The following P3H2 variants were observed in gnomAD, a reference collection of about 807,000 sequenced individuals.
P3H2 encodes prolyl 3-hydroxylase 2, also known as leprecan-like 1.
In P3H2, 80 loss-of-function variants were observed where a neutral mutation model predicts 87.0. The ratio of observed to expected loss-of-function variants is 0.92; its 90% CI spans 0.77 to 1.11. The LOEUF (loss-of-function observed/expected upper bound fraction) is 1.11. Ranked by LOEUF, P3H2 falls within the 50% of genes least tolerant of loss-of-function variation. The probability of loss-of-function intolerance (pLI) is 0.00; values close to 1 mark genes in which losing one functional copy is unlikely to be tolerated. For missense variants in P3H2, 1,001 were observed against 923.9 expected (o/e 1.08, Z -1.08); for synonymous variants, 367 against 359.3 (o/e 1.02, Z -0.24).
intron 1 of P3H2, among the ~76,000 whole-genome samples, chr3:190,022,936 C>T (rs1396802082): frequency 3.3e-5 from 5 of 152,130 alleles, no homozygotes; most frequent in Non-Finnish European, 7.4e-5. Flanking sequence ...ACGCCATTCT[C>T]CTGCTTCAGC....
intron 1 of P3H2, among the ~76,000 whole-genome samples, chr3:190,039,796 G>T (rs1725551869): frequency 6.6e-6 from 1 of 152,192 alleles, no homozygotes; most frequent in South Asian, 2.1e-4. Flanking sequence ...TGATCATGAG[G>T]TCAGTAAGGG....
At chr3:190,027,980 A>G (rs1725135682) in intron 1 of P3H2, among the ~76,000 whole-genome samples, 1 of 151,820 alleles carries the variant, frequency 6.6e-6, no homozygotes, top group Non-Finnish European at 1.5e-5. Context: ...AAAAAAAAAA[A>G]ATAAAGAACC....
intron 1 of P3H2, among the ~76,000 whole-genome samples, chr3:190,035,834 G>C (rs1725402066): frequency 6.6e-6 from 1 of 152,156 alleles, no homozygotes; most frequent in Non-Finnish European, 1.5e-5. Context: ...TGTCTTATTA[G>C]AGTTTTTCCT....
Position 190,007,965 on chromosome 3 carries a change from C to CACACACATATATATATATATATATAT in P3H2, c.481-12524_481-12523insATATATATATATATATATATGTGTGT. 3.0e-3 allele frequency among the ~76,000 whole-genome samples: 285 copies of CACACACATATATATATATATATATAT among 94,262 alleles called. 1 individual carries two copies. The highest frequency in any genetic ancestry group is 4.2e-3 in the East Asian group (11 of 2,604). 61.8% of individuals were successfully genotyped at this position (94,262 alleles called of 152,430 possible). A position where few individuals can be genotyped will look rare whatever the true frequency, so the allele number is the denominator to read the frequency against. On this transcript the variant is annotated intron_variant, in intron 1 of 14. Coordinates refer to ENST00000319332, the MANE Select transcript of P3H2 (RefSeq NM_018192.4). ...GCCTGAGACTCTATTTGTTGACACA[C>CACACACATATATATATATATATATAT]ATATATATATATATATATATAGTAA... is the stretch of plus-strand genomic sequence containing the variant.
intron 13 of P3H2, among the ~76,000 whole-genome samples, chr3:189,966,123 A>AAAAGAAAAAG (rs1553871115): frequency 2.2e-4 from 22 of 102,192 alleles, no homozygotes; most frequent in African/African-American, 7.9e-4. Context: ...GAAAGAAAGA[A>AAAAGAAAAAG]AAAGAAAGAA....
At chr3:190,067,921 GA>G (rs542298399) in intron 1 of P3H2, among the ~76,000 whole-genome samples, 7 of 151,596 alleles carry the variant, frequency 4.6e-5, no homozygotes, top group Non-Finnish European at 8.8e-5. Context: ...GAAGACCTAA[GA>G]AAAAAATGTA....
intron 1 of P3H2, among the ~76,000 whole-genome samples, chr3:190,023,016 C>T (rs936045824): frequency 2.7e-5 from 4 of 148,996 alleles, no homozygotes; most frequent in East Asian, 1.9e-4. Context: ...TTAGTAGAGA[C>T]GGTGTTTCAC....
At chr3:190,015,274 A>C (rs544090800) in intron 1 of P3H2, among the ~76,000 whole-genome samples, 1 of 152,256 alleles carries the variant, frequency 6.6e-6, no homozygotes, top group South Asian at 2.1e-4. Flanking sequence ...AGGACACATG[A>C]TTTTTAAGAT....
chr3:190,097,911 C>T (rs1727637397), intron 1 of P3H2, among the ~76,000 whole-genome samples: 2 of 152,254 alleles, frequency 1.3e-5, no homozygotes, highest in South Asian at 2.1e-4. Flanking sequence ...TCTGTGTCTG[C>T]ACTATCCATG....
chr3:190,007,148 T>A lies in P3H2; in HGVS notation c.481-11706A>T, dbSNP rs1463570557. ...GACTGGAGGCCTATGATAAACTTTA[T>A]AATATCCTTTTAGTTGTGGAAACAT... On this transcript the variant is annotated intron_variant, in intron 1 of 14. Coordinates refer to ENST00000319332, the MANE Select transcript of P3H2 (RefSeq NM_018192.4). 2.0e-5 allele frequency among the ~76,000 whole-genome samples: 3 copies of A among 152,176 alleles called. No individual in the cohort carries two copies. The East Asian group carries it at 5.8e-4, about 29-fold the overall frequency.
intron 8 of P3H2, among the ~76,000 whole-genome samples, chr3:189,977,083 C>G (rs185306565): frequency 2.6e-5 from 4 of 152,132 alleles, no homozygotes; most frequent in Non-Finnish European, 5.9e-5. Flanking sequence ...CCCGACTCCC[C>G]CAACTTCCTT....
At chr3:190,048,987 G>A (rs1725890126) in intron 1 of P3H2, among the ~76,000 whole-genome samples, 1 of 150,958 alleles carries the variant, frequency 6.6e-6, no homozygotes. Flanking sequence ...TCTCACAGCT[G>A]TGTTGGAATT....
At chr3:189,960,259 C>G (rs1290618234) in intron 14 of P3H2, among the ~76,000 whole-genome samples, 2 of 152,134 alleles carry the variant, frequency 1.3e-5, no homozygotes, top group African/African-American at 4.8e-5. Flanking sequence ...TGTCTTGTTC[C>G]ATTTTCCACA....
intron 1 of P3H2, among the ~76,000 whole-genome samples, chr3:190,118,613 T>C: frequency 6.6e-6 from 1 of 151,774 alleles, no homozygotes; most frequent in East Asian, 2.0e-4. Context: ...AAGATACTAG[T>C]CCAGTGAACT....
At chr3:189,982,306 T>C (rs571396061) in intron 8 of P3H2, among the ~76,000 whole-genome samples, 1 of 152,278 alleles carries the variant, frequency 6.6e-6, no homozygotes, top group South Asian at 2.1e-4. Context: ...TGTGTGCAAA[T>C]TTGCTGGGAA....
chr3:190,063,650 A>T (rs921172966), intron 1 of P3H2, among the ~76,000 whole-genome samples: 2 of 152,150 alleles, frequency 1.3e-5, no homozygotes, highest in Non-Finnish European at 2.9e-5. Context: ...GTTCTGTGAC[A>T]TATAAATGTG....
chr3:190,078,313 G>A (rs1160883051), intron 1 of P3H2, among the ~76,000 whole-genome samples: 1 of 152,046 alleles, frequency 6.6e-6, no homozygotes, highest in Non-Finnish European at 1.5e-5. Flanking sequence ...TTGGAAGATG[G>A]GACAAATTCA....
Position 189,958,021 on chromosome 3 carries a change from T to C in P3H2, c.2035-17A>G. ...TATTCGCTCCTGCAAAAAAGACAAT[T>C]TACACATTTCTGTTACAAGCATAAT... On this transcript the variant is annotated splice_polypyrimidine_tract_variant and intron_variant, in intron 14 of 14. Transcript: ENST00000319332. 1 of 1,582,262 alleles carries C rather than the reference T, an allele frequency of 6.3e-7. No individual in the cohort carries two copies. Among genetic ancestry groups the C allele is most frequent in the Non-Finnish European group, 8.7e-7 (1 of 1,150,946 alleles).
chr3:190,117,541 T>C (rs1712336129), intron 1 of P3H2, among the ~76,000 whole-genome samples: 2 of 126,550 alleles, frequency 1.6e-5, no homozygotes, highest in South Asian at 4.4e-4. Flanking sequence ...ACCATGACCA[T>C]ATCCAGTCAC....
Sources: allele counts gnomAD v4.1 joint callset (sites outside exome capture counted in the v4.1 genomes callset), GRCh38; gene constraint gnomAD v4.1.1; transcripts MANE v1.5; gene names NCBI Gene and HGNC (gene_info 2026-07-23, HGNC 2026-07-21).